SRGAP2C: variants seen among roughly 807,000 people sequenced by gnomAD.
SRGAP2C encodes SLIT-ROBO Rho GTPase activating protein 2C, also known as SLIT-ROBO Rho GTPase-activating protein 2C.
A neutral mutation model predicts 25.1 loss-of-function variants in SRGAP2C; 15 were observed. The ratio of observed to expected loss-of-function variants is 0.60; its 90% confidence interval spans 0.40 to 0.92. SRGAP2C has a LOEUF of 0.92. Among genes scored for constraint, SRGAP2C ranks in the 40% least tolerant of loss-of-function variants. The pLI is 0.00. For synonymous variants in SRGAP2C, 44 were observed against 96.6 expected, an observed-to-expected ratio of 0.46 and a Z score of 3.19; for missense variants, 144 against 264.4, an observed-to-expected ratio of 0.54 and a Z score of 3.16.
At chr1:121,265,710 A>C (rs1426339923) in intron 2 of SRGAP2C, among the ~76,000 whole-genome samples, 3 of 150,106 alleles carry the variant, frequency 2.0e-5, no homozygotes, top group Admixed American at 1.3e-4. Context: ...CATATCTACA[A>C]GGGAGTAACA....
At chr1:121,336,202 G>T (rs1553342489) in intron 4 of SRGAP2C, among the ~76,000 whole-genome samples, 1 of 151,988 alleles carries the variant, frequency 6.6e-6, no homozygotes, top group South Asian at 2.1e-4. Flanking sequence ...GGCTGAGGGG[G>T]TTCCTAGGAC....
chr1:121,237,782 G>T (rs1357582491), intron 2 of SRGAP2C, among the ~76,000 whole-genome samples: 3 of 140,946 alleles, frequency 2.1e-5, no homozygotes, highest in African/African-American at 5.4e-5. Flanking sequence ...TAGAAAGACT[G>T]TTCACATACC....
intron 2 of SRGAP2C, among the ~76,000 whole-genome samples, chr1:121,266,509 A>G (rs1289028821): frequency 6.6e-6 from 1 of 151,538 alleles, no homozygotes; most frequent in Non-Finnish European, 1.5e-5. Flanking sequence ...GATAATTGGG[A>G]AAACAATAAG....
chr1:121,322,278 A>T (rs1199660189), intron 3 of SRGAP2C, among the ~76,000 whole-genome samples: 1 of 141,094 alleles, frequency 7.1e-6, no homozygotes, highest in Non-Finnish European at 1.5e-5. Context: ...TTAAAATGTA[A>T]ATTAGGTTAT....
rs1246944956 is a variant in SRGAP2C at position 121,326,776 on chromosome 1, T to C, written c.423+2136T>C. On this transcript the variant is annotated intron_variant, in intron 4 of 9. Coordinates refer to ENST00000367123, the MANE Select transcript of SRGAP2C (RefSeq NM_001329984.2). Reference sequence around the variant, plus strand: ...TTCCCTTCTAGTCATCTCCCCACCCTAAATCCCCCAGGATAACAACTGTCT... The same window carrying C: ...TTCCCTTCTAGTCATCTCCCCACCCCAAATCCCCCAGGATAACAACTGTCT... Among the ~76,000 whole-genome samples, 5 of 89,512 alleles carry C rather than the reference T, an allele frequency of 5.6e-5. 2 individuals are homozygous for C. Among genetic ancestry groups the C allele is most frequent in the African/African-American group, 2.0e-4 (5 of 24,432 alleles). The allele number at this position is 89,512 out of a possible 152,430, so 58.7% of individuals were successfully genotyped here.
intron 2 of SRGAP2C, among the ~76,000 whole-genome samples, chr1:121,192,145 G>A (rs1292437261): frequency 6.6e-6 from 1 of 151,342 alleles, no homozygotes; most frequent in Non-Finnish European, 1.5e-5. Context: ...TCCCTTGGGA[G>A]GTCTGAGCAA....
At chr1:121,309,471 G>T in intron 3 of SRGAP2C, among the ~76,000 whole-genome samples, 3 of 131,702 alleles carry the variant, frequency 2.3e-5, no homozygotes, top group South Asian at 2.4e-4. Flanking sequence ...TGTGCACATT[G>T]TGCAGGTTAG....
chr1:121,267,079 TAA>T (rs1229475064), intron 2 of SRGAP2C, among the ~76,000 whole-genome samples: 1 of 149,530 alleles, frequency 6.7e-6, no homozygotes, highest in African/African-American at 2.5e-5. Flanking sequence ...CGGGTACTTT[TAA>T]ATCTTCTTCT....
chr1:121,236,309 AG>A (rs1655957481), intron 2 of SRGAP2C, among the ~76,000 whole-genome samples: 1 of 151,652 alleles, frequency 6.6e-6, no homozygotes, highest in Non-Finnish European at 1.5e-5. Context: ...ACTCTTACAA[AG>A]ATTCATCTCT....
chr1:121,228,643 A>G (rs1291060984), intron 2 of SRGAP2C, among the ~76,000 whole-genome samples: 1 of 151,560 alleles, frequency 6.6e-6, no homozygotes, highest in Non-Finnish European at 1.5e-5. Flanking sequence ...ACCTTCTACT[A>G]CTTCATACCT....
chr1:121,244,354 G>A (rs1192102008), intron 2 of SRGAP2C, among the ~76,000 whole-genome samples: 10 of 111,964 alleles, frequency 8.9e-5, no homozygotes, highest in East Asian at 4.2e-4. Flanking sequence ...GGGTTTTATC[G>A]TGGGTTTTTT....
In SRGAP2C at chr1:121,392,091, CAG is replaced by C. The variant is rs1185819784; in HGVS notation, c.*4239_*4240del. On this transcript the variant is annotated 3_prime_UTR_variant, in exon 10 of 10. Coordinates refer to ENST00000367123, the MANE Select transcript of SRGAP2C (RefSeq NM_001329984.2). ...GGATTTAAGAGTATATTTGCACACA[CAG>C]AGGAAGCCATGAACTTGAAGAGAAG... 6.6e-6 allele frequency: 1 copy of C among 152,026 alleles called. No homozygotes were observed. Among genetic ancestry groups the C allele is most frequent in the African/African-American group, 2.4e-5 (1 of 41,394 alleles). The allele number at this position is 152,026 out of a possible 1,614,324, so 9.4% of individuals were successfully genotyped here.
chr1:121,339,312 C>T (rs1204865174), intron 4 of SRGAP2C, among the ~76,000 whole-genome samples: 13 of 141,338 alleles, frequency 9.2e-5, no homozygotes, highest in African/African-American at 2.4e-4. Context: ...AGTACAGTGG[C>T]GTGATCTTGG....
At chr1:121,315,308 T>C (rs1658072505) in intron 3 of SRGAP2C, among the ~76,000 whole-genome samples, 2 of 151,492 alleles carry the variant, frequency 1.3e-5, no homozygotes, top group Admixed American at 1.3e-4. Context: ...CATACCTGGC[T>C]TCCATTTACT....
At chr1:121,203,411 A>G (rs1655036910) in intron 2 of SRGAP2C, among the ~76,000 whole-genome samples, 1 of 149,350 alleles carries the variant, frequency 6.7e-6, no homozygotes, top group African/African-American at 2.5e-5. Context: ...ATTGTACAAC[A>G]CAGGGCAGGA....
intron 3 of SRGAP2C, among the ~76,000 whole-genome samples, chr1:121,297,418 C>A (rs1270175432): frequency 2.2e-5 from 2 of 89,814 alleles, no homozygotes; most frequent in Non-Finnish European, 4.9e-5. Context: ...GGGTCTGAAT[C>A]TTGTCTCTTC....
At chr1:121,212,152 A>G in intron 2 of SRGAP2C, among the ~76,000 whole-genome samples, 1 of 98,666 alleles carries the variant, frequency 1.0e-5, no homozygotes, top group Non-Finnish European at 1.9e-5. Context: ...TTTTTTTGAG[A>G]CGGAGTCTCG....
intron 2 of SRGAP2C, among the ~76,000 whole-genome samples, chr1:121,278,240 C>T (rs1657158756): frequency 6.6e-6 from 1 of 151,796 alleles, no homozygotes; most frequent in South Asian, 2.1e-4. Flanking sequence ...AGCCACTGTG[C>T]CTGGCCTGTT....
intron 2 of SRGAP2C, among the ~76,000 whole-genome samples, chr1:121,271,286 C>T (rs868932975): frequency 1.7e-4 from 25 of 147,280 alleles, no homozygotes; most frequent in East Asian, 4.1e-4. Flanking sequence ...ATAAGGAAGA[C>T]GAAACTAAGA....
Sources: allele counts gnomAD v4.1 joint callset (sites outside exome capture counted in the v4.1 genomes callset), GRCh38; gene constraint gnomAD v4.1.1; transcripts MANE v1.5; gene names NCBI Gene and HGNC (gene_info 2026-07-23, HGNC 2026-07-21).